CAMTA1: variants seen among roughly 807,000 people sequenced by gnomAD.
CAMTA1 encodes calmodulin-binding transcription activator 1.
In CAMTA1, 27 loss-of-function variants were observed where a neutral mutation model predicts 170.9. The ratio of observed to expected loss-of-function variants is 0.16; its 90% CI spans 0.12 to 0.22. The LOEUF (loss-of-function observed/expected upper bound fraction) is 0.22. Among genes scored for constraint, CAMTA1 ranks in the 10% least tolerant of loss-of-function variants. CAMTA1 has a pLI of 1.00. For missense variants in CAMTA1, 1,619 were observed against 2,217.2 expected (o/e 0.73, Z 5.42); for synonymous variants, 833 against 891.5 (o/e 0.93, Z 1.17).
chr1:7,284,812 A>G (rs1446594503), intron 5 of CAMTA1, among the ~76,000 whole-genome samples: 1 of 152,198 alleles, frequency 6.6e-6, no homozygotes, highest in Non-Finnish European at 1.5e-5. Flanking sequence ...GTCGTAACTC[A>G]ACAACTTCCT....
At chr1:7,119,040 G>A (rs535613866) in intron 4 of CAMTA1, among the ~76,000 whole-genome samples, 3 of 152,306 alleles carry the variant, frequency 2.0e-5, no homozygotes, top group East Asian at 1.9e-4. Context: ...CCGGATACCC[G>A]TGCAGTTCAC....
At chr1:7,531,706 G>T (rs2094494321) in intron 6 of CAMTA1, among the ~76,000 whole-genome samples, 1 of 152,216 alleles carries the variant, frequency 6.6e-6, no homozygotes, top group African/African-American at 2.4e-5. Flanking sequence ...GTTCCTTAAA[G>T]TCTTGAAGTT....
chr1:7,038,223 A>AT (rs1159116290), intron 3 of CAMTA1, among the ~76,000 whole-genome samples: 1 of 152,100 alleles, frequency 6.6e-6, no homozygotes, highest in African/African-American at 2.4e-5. Context: ...ATATTTAGAA[A>AT]TTTTTCCTAT....
chr1:7,127,002 C>T (rs1221144062), intron 4 of CAMTA1, among the ~76,000 whole-genome samples: 1 of 152,072 alleles, frequency 6.6e-6, no homozygotes, highest in East Asian at 1.9e-4. Flanking sequence ...ATCTCCTGAC[C>T]TCATGATCCA....
At chr1:7,424,272 T>A (rs1343534604) in intron 5 of CAMTA1, among the ~76,000 whole-genome samples, 4 of 152,158 alleles carry the variant, frequency 2.6e-5, no homozygotes, top group Admixed American at 2.0e-4. Context: ...TCAATAGACA[T>A]TTTTTAAAAG....
chr1:7,175,183 G>A (rs1650531811), intron 4 of CAMTA1, among the ~76,000 whole-genome samples: 1 of 152,146 alleles, frequency 6.6e-6, no homozygotes, highest in Non-Finnish European at 1.5e-5. Flanking sequence ...AGGTGTCCAG[G>A]TGTTGCCTCT....
intron 4 of CAMTA1, among the ~76,000 whole-genome samples, chr1:7,241,009 G>C (rs748848550): frequency 6.6e-6 from 1 of 152,136 alleles, no homozygotes; most frequent in Non-Finnish European, 1.5e-5. Flanking sequence ...AGAAAGTGGA[G>C]TCACAGGTGA....
chr1:7,727,184 G>T (rs577566345), intron 11 of CAMTA1, among the ~76,000 whole-genome samples: 1 of 148,992 alleles, frequency 6.7e-6, no homozygotes, highest in Non-Finnish European at 1.5e-5. Flanking sequence ...GTGCAGTGGC[G>T]CGATCTCGGC....
chr1:7,594,996 A>G (rs989231274), intron 6 of CAMTA1, among the ~76,000 whole-genome samples: 2 of 152,228 alleles, frequency 1.3e-5, no homozygotes, highest in African/African-American at 2.4e-5. Flanking sequence ...GGGATCACCC[A>G]ATAAAAGAGG....
chr1:7,479,968 A>AGT (rs750799591), intron 6 of CAMTA1, among the ~76,000 whole-genome samples: 24 of 149,912 alleles, frequency 1.6e-4, no homozygotes, highest in Non-Finnish European at 3.0e-4. Context: ...TGAGTACACA[A>AGT]GTGTGTATAT....
At chr1:7,693,705 C>A (rs1216919212) in intron 11 of CAMTA1, 1 of 152,260 alleles carries the variant, frequency 6.6e-6, no homozygotes, top group East Asian at 1.9e-4. Context: ...TCATGAAAAG[C>A]ATGACTTTCC....
chr1:7,721,324 A>C (rs1411284583), intron 11 of CAMTA1, among the ~76,000 whole-genome samples: 1 of 152,212 alleles, frequency 6.6e-6, no homozygotes, highest in Non-Finnish European at 1.5e-5. Flanking sequence ...GTAAGTAACA[A>C]ATTTTCTTAG....
chr1:7,557,463 G>A (rs2094895431), intron 6 of CAMTA1, among the ~76,000 whole-genome samples: 1 of 152,212 alleles, frequency 6.6e-6, no homozygotes, highest in Non-Finnish European at 1.5e-5. Flanking sequence ...TTTTCCAGCT[G>A]TTCCCCAGCT....
intron 5 of CAMTA1, among the ~76,000 whole-genome samples, chr1:7,276,695 A>G (rs1343051195): frequency 3.3e-5 from 5 of 152,216 alleles, no homozygotes; most frequent in South Asian, 2.1e-4. Flanking sequence ...CTTCTATTCA[A>G]TATTCTACCG....
chr1:7,290,106 T>C (rs1672907422), intron 5 of CAMTA1, among the ~76,000 whole-genome samples: 1 of 152,182 alleles, frequency 6.6e-6, no homozygotes, highest in South Asian at 2.1e-4. Flanking sequence ...GTGGGGAACA[T>C]GTGAGGTGCA....
intron 1 of CAMTA1, among the ~76,000 whole-genome samples, chr1:6,816,112 T>G (rs1027017019): frequency 6.6e-6 from 1 of 152,214 alleles, no homozygotes; most frequent in Non-Finnish European, 1.5e-5. Flanking sequence ...TTTCACTAGA[T>G]GACTGGCTAA....
chr1:7,139,346 T>A lies in CAMTA1; in HGVS notation c.302+47975T>A, dbSNP rs1041034515. On this transcript the variant is annotated intron_variant, in intron 4 of 22. Coordinates refer to ENST00000303635, the MANE Select transcript of CAMTA1 (RefSeq NM_015215.4). ...TTATAAATATTATAAATCTATGGTA[T>A]ATAAATATTTTATATATAGATATAT... Among the ~76,000 whole-genome samples the A allele has an allele frequency of 4.1e-5, 6 of 146,306 alleles. No homozygotes were observed. The South Asian group carries it at 1.3e-3, about 31-fold the overall frequency.
intron 5 of CAMTA1, among the ~76,000 whole-genome samples, chr1:7,417,142 G>C (rs562744562): frequency 6.6e-6 from 1 of 152,250 alleles, no homozygotes; most frequent in African/African-American, 2.4e-5. Flanking sequence ...TGGAAGTTTT[G>C]TCTCAGAGGA....
chr1:7,343,029 A>G (rs1054675080), intron 5 of CAMTA1, among the ~76,000 whole-genome samples: 3 of 152,136 alleles, frequency 2.0e-5, no homozygotes, highest in African/African-American at 4.8e-5. Flanking sequence ...CTTTTCTCTG[A>G]CCCTACGCAT....
Sources: gnomAD v4.1 joint callset for allele counts (sites outside exome capture counted in the v4.1 genomes callset) on GRCh38, gnomAD v4.1.1 for gene constraint, MANE v1.5 for transcripts, NCBI Gene and HGNC (gene_info 2026-07-23, HGNC 2026-07-21) for gene names.